Variants in CSGALNACT1 observed in about 807,000 individuals in gnomAD.
CSGALNACT1 encodes beta4GalNAcT-1.
CSGALNACT1 carries 52 observed loss-of-function variants against 51.0 expected under a neutral mutation model. The ratio of observed to expected loss-of-function variants is 1.02; its 90% CI spans 0.82 to 1.29. The LOEUF (loss-of-function observed/expected upper bound fraction) is 1.29. Ranked by LOEUF, CSGALNACT1 falls within the 50% of genes most tolerant of loss-of-function variation. The pLI is 0.00. For synonymous variants in CSGALNACT1, 341 were observed against 254.4 expected, an observed-to-expected ratio of 1.34 and a Z score of -3.24; for missense variants, 935 against 679.2, an observed-to-expected ratio of 1.38 and a Z score of -4.19.
At chr8:19,410,673 C>T (rs528795672) in intron 8 of CSGALNACT1, among the ~76,000 whole-genome samples, 215 of 152,332 alleles carry the variant, frequency 1.4e-3, no homozygotes, top group South Asian at 5.4e-3. Context: ...GGGACCCTCA[C>T]ATGGGAACAG....
At chr8:19,672,076 C>A (rs921781180) in intron 1 of CSGALNACT1, among the ~76,000 whole-genome samples, 4 of 152,186 alleles carry the variant, frequency 2.6e-5, no homozygotes, top group African/African-American at 9.6e-5. Context: ...TGTTAAGGCT[C>A]ATGATATACT....
chr8:19,444,206 T>C (rs556691808), intron 5 of CSGALNACT1, among the ~76,000 whole-genome samples: 1 of 152,302 alleles, frequency 6.6e-6, no homozygotes, highest in Non-Finnish European at 1.5e-5. Context: ...CCTACATACA[T>C]CCTCTTGTAG....
intron 1 of CSGALNACT1, among the ~76,000 whole-genome samples, chr8:19,652,618 T>C (rs961543050): frequency 6.6e-6 from 1 of 152,148 alleles, no homozygotes; most frequent in Non-Finnish European, 1.5e-5. Flanking sequence ...ATGAGCCCCA[T>C]CTCTTTGACC....
intron 2 of CSGALNACT1, among the ~76,000 whole-genome samples, chr8:19,592,559 G>T (rs576753824): frequency 6.6e-6 from 1 of 152,142 alleles, no homozygotes; most frequent in Non-Finnish European, 1.5e-5. Context: ...TGAGACCAGC[G>T]TGGGCACCAT....
At chr8:19,597,500 C>T (rs536902022) in intron 2 of CSGALNACT1, among the ~76,000 whole-genome samples, 1 of 152,036 alleles carries the variant, frequency 6.6e-6, no homozygotes, top group Admixed American at 6.5e-5. Context: ...ATGGGGTCTT[C>T]TCACTATGTT....
At chr8:19,543,049 C>G (rs1056892406) in intron 3 of CSGALNACT1, among the ~76,000 whole-genome samples, 5 of 152,108 alleles carry the variant, frequency 3.3e-5, no homozygotes, top group African/African-American at 1.2e-4. Context: ...ACTTTGGAAG[C>G]AGTCAGTTAC....
Position 19,704,971 on chromosome 8 carries a change from C to G in CSGALNACT1, c.-297+52879G>C, listed in dbSNP as rs529807518. ...ATGGGGAGATTTTGCTTAAATGATG[C>G]AAACTTTCCATTACAAGATGAATAA... is the stretch of plus-strand genomic sequence containing the variant. On this transcript the variant is annotated intron_variant, in intron 1 of 1. Coordinates refer to the CSGALNACT1 transcript ENST00000517494. 9.9e-5 allele frequency among the ~76,000 whole-genome samples: 15 copies of G among 152,272 alleles called. No homozygotes were observed. The South Asian group carries it at 3.1e-3, about 32-fold the overall frequency.
At chr8:19,507,977 G>A (rs920147703) in intron 3 of CSGALNACT1, among the ~76,000 whole-genome samples, 1 of 152,220 alleles carries the variant, frequency 6.6e-6, no homozygotes, top group Non-Finnish European at 1.5e-5. Flanking sequence ...AGATCCCTGA[G>A]GGTATCATGC....
intron 3 of CSGALNACT1, among the ~76,000 whole-genome samples, chr8:19,512,777 T>C (rs1404726684): frequency 6.6e-6 from 1 of 152,250 alleles, no homozygotes; most frequent in African/African-American, 2.4e-5. Flanking sequence ...CGAGATTTTA[T>C]TCTTGAACAA....
chr8:19,407,344 G>A (rs1248037305), intron 9 of CSGALNACT1, among the ~76,000 whole-genome samples: 1 of 152,132 alleles, frequency 6.6e-6, no homozygotes, highest in Non-Finnish European at 1.5e-5. Flanking sequence ...GAGGTGCCTA[G>A]AAGCCAGCGA....
At chr8:19,626,835 A>T (rs955562955) in intron 1 of CSGALNACT1, among the ~76,000 whole-genome samples, 2 of 152,154 alleles carry the variant, frequency 1.3e-5, no homozygotes, top group African/African-American at 4.8e-5. Context: ...GGAAAACACA[A>T]ATTAAAACCT....
intron 3 of CSGALNACT1, among the ~76,000 whole-genome samples, chr8:19,534,215 G>C (rs1467979623): frequency 6.6e-6 from 1 of 152,112 alleles, no homozygotes; most frequent in Non-Finnish European, 1.5e-5. Context: ...ACTTTGGGAG[G>C]CCAAGGCATG....
chr8:19,425,241 T>C (rs1308924261), intron 6 of CSGALNACT1, among the ~76,000 whole-genome samples: 1 of 152,140 alleles, frequency 6.6e-6, no homozygotes, highest in Admixed American at 6.5e-5. Context: ...CTTGGGAGGC[T>C]GAGGCAGGAG....
chr8:19,482,161 A>G (rs1181077607), intron 4 of CSGALNACT1, among the ~76,000 whole-genome samples: 3 of 152,182 alleles, frequency 2.0e-5, no homozygotes, highest in Non-Finnish European at 4.4e-5. Context: ...GAGCACCTAG[A>G]TCAGCGCTGG....
At chr8:19,562,404 T>A (rs1395271817) in intron 3 of CSGALNACT1, among the ~76,000 whole-genome samples, 1 of 151,932 alleles carries the variant, frequency 6.6e-6, no homozygotes, top group East Asian at 1.9e-4. Context: ...TGGGCAACTA[T>A]TTCATAACAA....
At chr8:19,618,523 C>G (rs1231062795) in intron 1 of CSGALNACT1, among the ~76,000 whole-genome samples, 1 of 149,470 alleles carries the variant, frequency 6.7e-6, no homozygotes, top group African/African-American at 2.5e-5. Context: ...ACCTATAATC[C>G]CAGCTACTCA....
At chr8:19,710,185 A>C (rs1413887322) in intron 1 of CSGALNACT1, among the ~76,000 whole-genome samples, 1 of 152,228 alleles carries the variant, frequency 6.6e-6, no homozygotes, top group African/African-American at 2.4e-5. Flanking sequence ...AAAAAGCCAT[A>C]AATTAATTAT....
intron 1 of CSGALNACT1, among the ~76,000 whole-genome samples, chr8:19,623,902 T>C (rs890810955): frequency 6.6e-6 from 1 of 152,222 alleles, no homozygotes; most frequent in Non-Finnish European, 1.5e-5. Flanking sequence ...ATGAATCATG[T>C]ACTTAAGCCT....
chr8:19,555,800 C>CT (rs1463295598), intron 3 of CSGALNACT1, among the ~76,000 whole-genome samples: 4 of 152,148 alleles, frequency 2.6e-5, no homozygotes, highest in Non-Finnish European at 4.4e-5. Context: ...ATATAGCATG[C>CT]TTGTCTTGTG....
Sources: gnomAD v4.1 joint callset for allele counts (sites outside exome capture counted in the v4.1 genomes callset) on GRCh38, gnomAD v4.1.1 for gene constraint, MANE v1.5 for transcripts, NCBI Gene and HGNC (gene_info 2026-07-23, HGNC 2026-07-21) for gene names.